Variants in SLC24A3 observed in about 807,000 individuals in gnomAD.
The protein encoded by SLC24A3 is sodium/potassium/calcium exchanger 3.
In SLC24A3, 28 loss-of-function variants were observed where a neutral mutation model predicts 75.8. The observed-to-expected ratio is 0.37, with a 90% CI of 0.27 to 0.51. The LOEUF is 0.51. Ranked by LOEUF, SLC24A3 falls within the 20% of genes least tolerant of loss-of-function variation. The pLI, the probability that SLC24A3 is intolerant of heterozygous loss-of-function variation, is 0.94. For synonymous variants in SLC24A3, 372 were observed against 334.1 expected (o/e 1.11, Z -1.24); for missense variants, 663 against 847.8 (o/e 0.78, Z 2.71).
intron 2 of SLC24A3, among the ~76,000 whole-genome samples, chr20:19,483,820 G>A (rs1988092184): frequency 6.6e-6 from 1 of 152,136 alleles, no homozygotes; most frequent in African/African-American, 2.4e-5. Context: ...AAATCCCAGA[G>A]TACCAAAGAG....
chr20:19,520,658 A>C (rs1042571395), intron 3 of SLC24A3, among the ~76,000 whole-genome samples: 1 of 152,166 alleles, frequency 6.6e-6, no homozygotes, highest in African/African-American at 2.4e-5. Context: ...GACCATTAAC[A>C]TCACTCCTTT....
At chr20:19,668,694 A>G (rs2032428931) in intron 8 of SLC24A3, among the ~76,000 whole-genome samples, 1 of 152,236 alleles carries the variant, frequency 6.6e-6, no homozygotes, top group Non-Finnish European at 1.5e-5. Context: ...AGGAAGTCAC[A>G]TTCAGTCAAA....
At chr20:19,528,058 A>G (rs571655455) in intron 3 of SLC24A3, among the ~76,000 whole-genome samples, 1 of 152,328 alleles carries the variant, frequency 6.6e-6, no homozygotes, top group East Asian at 1.9e-4. Context: ...GTAAGGGCCC[A>G]GGAGTCCAAG....
chr20:19,258,845 A>G (rs746178797), intron 1 of SLC24A3, among the ~76,000 whole-genome samples: 5 of 152,186 alleles, frequency 3.3e-5, no homozygotes, highest in Non-Finnish European at 7.3e-5. Flanking sequence ...ATCAAGCACA[A>G]GATAAGGCCA....
chr20:19,415,202 C>A (rs182261385), intron 2 of SLC24A3, among the ~76,000 whole-genome samples: 15 of 152,132 alleles, frequency 9.9e-5, no homozygotes, highest in African/African-American at 3.1e-4. Context: ...AGAGTGGACA[C>A]GCTTGTGGAT....
In SLC24A3 at chr20:19,587,184, A is replaced by G. The variant is rs558010348; in HGVS notation, c.612+1640A>G. 9.2e-5 allele frequency among the ~76,000 whole-genome samples: 14 copies of G among 152,332 alleles called. No homozygotes were observed. The South Asian group carries it at 2.5e-3, about 27-fold the overall frequency. On this transcript the variant is annotated intron_variant, in intron 6 of 16. Transcript: ENST00000328041. ...TGTCATTAGTTCATTCATCATTTGT[A>G]CCTGAAGCTTGATTCACAAGCAAGC...
intron 3 of SLC24A3, among the ~76,000 whole-genome samples, chr20:19,521,757 A>G (rs1568643246): frequency 6.6e-6 from 1 of 152,120 alleles, no homozygotes; most frequent in Admixed American, 6.5e-5. Flanking sequence ...CCAGGCCCAG[A>G]TTGCTGTTGT....
rs547176688 is a variant in SLC24A3, at chr20:19,479,150, CA to C, written c.272-36337del. Among the ~76,000 whole-genome samples, 46 of 152,322 alleles carry C rather than the reference CA, an allele frequency of 3.0e-4. No individual in the cohort carries two copies. The South Asian group carries it at 5.6e-3, about 19-fold the overall frequency. On this transcript the variant is annotated intron_variant, in intron 2 of 16. Coordinates refer to ENST00000328041, the MANE Select transcript of SLC24A3 (RefSeq NM_020689.4). The stretch of plus-strand genomic sequence containing the variant: ...TGAAAGATCAGTGCATTCAGAGAGT[CA>C]TAGAGTACCAGTTGTCTTAGCCTTT...
intron 6 of SLC24A3, among the ~76,000 whole-genome samples, chr20:19,635,868 C>T (rs532348475): frequency 5.3e-5 from 8 of 152,260 alleles, no homozygotes; most frequent in Admixed American, 1.3e-4. Context: ...AGGCCAGGCG[C>T]GGTGGCTTAC....
intron 1 of SLC24A3, among the ~76,000 whole-genome samples, chr20:19,219,956 G>A (rs1981662064): frequency 6.6e-6 from 1 of 152,190 alleles, no homozygotes; most frequent in South Asian, 2.1e-4. Flanking sequence ...CCCAAATGAA[G>A]CCTTGGCCAT....
chr20:19,663,426 T>TCCTCCTCCTCCTCCA (rs1568689554), intron 7 of SLC24A3, among the ~76,000 whole-genome samples: 1 of 47,178 alleles, frequency 2.1e-5, no homozygotes, highest in Non-Finnish European at 3.7e-5. Context: ...CTCCTCCTCC[T>TCCTCCTCCTCCTCCA]CCTCCTCCGC....
intron 2 of SLC24A3, among the ~76,000 whole-genome samples, chr20:19,299,198 A>ATGTGTGTGTGTATGTGTGTGTGTGTGTG: frequency 6.9e-6 from 1 of 145,030 alleles, no homozygotes; most frequent in Middle Eastern, 3.5e-3. Context: ...GTGTGTGTGT[A>ATGTGTGTGTGTATGTGTGTGTGTGTGTG]TGTGTGTGTG....
chr20:19,344,220 T>A (rs1256542565), intron 2 of SLC24A3, among the ~76,000 whole-genome samples: 2 of 152,228 alleles, frequency 1.3e-5, no homozygotes, highest in Non-Finnish European at 2.9e-5. Context: ...TTTGTCTTCT[T>A]ACTTTCCTTG....
chr20:19,596,030 G>T (rs2031448216), intron 6 of SLC24A3, among the ~76,000 whole-genome samples: 1 of 152,160 alleles, frequency 6.6e-6, no homozygotes, highest in African/African-American at 2.4e-5. Flanking sequence ...GGAGTGCTCA[G>T]AGAGGTGGTA....
At chr20:19,419,826 T>G (rs1986886659) in intron 2 of SLC24A3, among the ~76,000 whole-genome samples, 1 of 151,258 alleles carries the variant, frequency 6.6e-6, no homozygotes, top group African/African-American at 2.4e-5. Context: ...AGCCAAGTTT[T>G]TTTTTTTTTT....
chr20:19,706,296 C>T (rs2032929154), intron 15 of SLC24A3, among the ~76,000 whole-genome samples: 1 of 152,210 alleles, frequency 6.6e-6, no homozygotes, highest in Admixed American at 6.5e-5. Flanking sequence ...GAGGCCTATG[C>T]TCCTGGACCT....
chr20:19,364,973 T>G (rs761462528), intron 2 of SLC24A3, among the ~76,000 whole-genome samples: 9 of 152,162 alleles, frequency 5.9e-5, no homozygotes, highest in Admixed American at 2.0e-4. Flanking sequence ...CACCCAGGGA[T>G]GCATCAGGCA....
intron 1 of SLC24A3, among the ~76,000 whole-genome samples, chr20:19,251,618 T>C (rs771793845): frequency 2.0e-5 from 3 of 152,134 alleles, no homozygotes; most frequent in African/African-American, 2.4e-5. Context: ...GGCTTCAGAA[T>C]TGTCCCACGA....
chr20:19,259,312 G>C (rs1005954368), intron 1 of SLC24A3, among the ~76,000 whole-genome samples: 1 of 152,220 alleles, frequency 6.6e-6, no homozygotes, highest in African/African-American at 2.4e-5. Flanking sequence ...GCATGCAGGA[G>C]CTTTCCTTCT....
Sources: allele counts gnomAD v4.1 joint callset (sites outside exome capture counted in the v4.1 genomes callset), GRCh38; gene constraint gnomAD v4.1.1; transcripts MANE v1.5; gene names NCBI Gene and HGNC (gene_info 2026-07-23, HGNC 2026-07-21).